NTM: variants seen among roughly 807,000 people sequenced by gnomAD.
NTM encodes the protein IgLON family member 2.
In NTM, 13 loss-of-function variants were observed where a neutral mutation model predicts 42.1. The observed-to-expected ratio is 0.31, with a 90% CI of 0.20 to 0.49. NTM has a LOEUF of 0.49. NTM is among the 20% of genes least tolerant of loss of function. NTM has a pLI of 0.99. For synonymous variants in NTM, 187 were observed against 179.2 expected (o/e 1.04, Z -0.35); for missense variants, 373 against 452.8 (o/e 0.82, Z 1.60).
At chr11:132,077,801 TTG>T (rs1485206453) in intron 2 of NTM, among the ~76,000 whole-genome samples, 1 of 152,178 alleles carries the variant, frequency 6.6e-6, no homozygotes, top group African/African-American at 2.4e-5. Flanking sequence ...GGATCTCCCT[TTG>T]TTGCCCATGC....
intron 1 of NTM, among the ~76,000 whole-genome samples, chr11:131,747,664 G>A (rs2081984387): frequency 6.6e-6 from 1 of 152,144 alleles, no homozygotes; most frequent in Non-Finnish European, 1.5e-5. Flanking sequence ...AAGCTTTTCT[G>A]GATCTTGGGA....
At chr11:131,604,999 G>T (rs749593093) in intron 1 of NTM, among the ~76,000 whole-genome samples, 1 of 151,640 alleles carries the variant, frequency 6.6e-6, no homozygotes, top group South Asian at 2.1e-4. Flanking sequence ...GAAATGTGAG[G>T]CCTCCAACTT....
chr11:131,915,590 A>G (rs1357595824), intron 2 of NTM, among the ~76,000 whole-genome samples: 2 of 152,200 alleles, frequency 1.3e-5, no homozygotes, highest in Non-Finnish European at 2.9e-5. Context: ...GGTTCTTTCA[A>G]GAAGGGGACT....
intron 3 of NTM, among the ~76,000 whole-genome samples, chr11:132,147,481 G>A (rs1480206099): frequency 6.6e-6 from 1 of 152,110 alleles, no homozygotes; most frequent in Non-Finnish European, 1.5e-5. Flanking sequence ...AACTGTAAAC[G>A]TACTGACATA....
chr11:131,994,798 A>G (rs2067690190), intron 2 of NTM, among the ~76,000 whole-genome samples: 1 of 152,036 alleles, frequency 6.6e-6, no homozygotes, highest in South Asian at 2.1e-4. Context: ...TCCCCCATAT[A>G]TCTCACACAT....
At chr11:131,698,389 G>A (rs12282972) in intron 1 of NTM, among the ~76,000 whole-genome samples, 17,409 of 152,062 alleles carry the variant, frequency 0.11, 1,518 homozygotes, top group East Asian at 0.31. Context: ...CATCACTAGC[G>A]ACATCATCAT....
At chr11:132,333,053 T>C (rs536226938) in intron 8 of NTM, among the ~76,000 whole-genome samples, 20 of 152,246 alleles carry the variant, frequency 1.3e-4, no homozygotes, top group East Asian at 3.9e-4. Flanking sequence ...GGCAGAGCAG[T>C]GTGCTGACAG....
intron 1 of NTM, among the ~76,000 whole-genome samples, chr11:131,784,717 C>T (rs2088820603): frequency 6.6e-6 from 1 of 152,154 alleles, no homozygotes; most frequent in African/African-American, 2.4e-5. Flanking sequence ...TGTAATTGTA[C>T]ACTTTCAAAC....
At chr11:131,594,552 G>A (rs192809831) in intron 1 of NTM, among the ~76,000 whole-genome samples, 343 of 137,900 alleles carry the variant, frequency 2.5e-3, no homozygotes, top group African/African-American at 8.0e-3. Flanking sequence ...AGACCACCGC[G>A]CCCAGCTAAA....
chr11:131,439,205 A>G (rs1424611838), intron 1 of NTM, among the ~76,000 whole-genome samples: 1 of 152,082 alleles, frequency 6.6e-6, no homozygotes, highest in East Asian at 1.9e-4. Context: ...ATCTGCCTGT[A>G]TGAGGTGTCA....
intron 1 of NTM, among the ~76,000 whole-genome samples, chr11:131,887,965 AT>A (rs796188830): frequency 2.6e-5 from 4 of 152,342 alleles, no homozygotes; most frequent in African/African-American, 7.2e-5. Context: ...TGAAGGAGCC[AT>A]GATTGAAATC....
chr11:132,101,586 A>G (rs12272946), intron 2 of NTM, among the ~76,000 whole-genome samples: 72,809 of 119,630 alleles, frequency 0.61, 19,957 homozygotes, highest in African/African-American at 0.78. Context: ...GTGTGTGTGT[A>G]TGTTTGAATG....
intron 4 of NTM, among the ~76,000 whole-genome samples, chr11:132,304,741 A>T (rs1036662318): frequency 6.6e-6 from 1 of 152,214 alleles, no homozygotes; most frequent in Non-Finnish European, 1.5e-5. Flanking sequence ...TTTATTAAGC[A>T]TATTACTATG....
intron 1 of NTM, among the ~76,000 whole-genome samples, chr11:131,884,332 C>T (rs961841070): frequency 6.6e-6 from 1 of 152,096 alleles, no homozygotes; most frequent in African/African-American, 2.4e-5. Context: ...TCATTTGAAC[C>T]CGGGAGGCAG....
At chr11:131,975,470 G>C (rs758629409) in intron 2 of NTM, among the ~76,000 whole-genome samples, 1 of 152,066 alleles carries the variant, frequency 6.6e-6, no homozygotes, top group African/African-American at 2.4e-5. Flanking sequence ...GAGCCACTGC[G>C]CCTGGCCGAA....
chr11:131,775,459 A>C (rs1211272254), intron 1 of NTM, among the ~76,000 whole-genome samples: 1 of 152,208 alleles, frequency 6.6e-6, no homozygotes. Flanking sequence ...GGTGATTTTT[A>C]GACAGCAGAA....
chr11:131,780,393 T>A (rs117973008), intron 1 of NTM, among the ~76,000 whole-genome samples: 1,747 of 152,176 alleles, frequency 0.011, 12 homozygotes, highest in Middle Eastern at 0.02. Context: ...GCTGTCTGCT[T>A]GAGACTATGG....
rs371013121 is a variant in NTM, at chr11:131,473,028, A to G, written c.82+102140A>G. Among the ~76,000 whole-genome samples the G allele has an allele frequency of 5.4e-3, 822 of 152,308 alleles. 7 individuals carry two copies. Among genetic ancestry groups the G allele is most frequent in the African/African-American group, 0.019 (792 of 41,564 alleles). On this transcript the variant is annotated intron_variant, in intron 1 of 8. Coordinates refer to ENST00000683400, the MANE Select transcript of NTM (RefSeq NM_001352005.2). ...AGGATCAATAATAATACTAATAACA[A>G]TGAAAATAATAGCCAATATTTCCAG...
Position 132,086,493 on chromosome 11 carries a change from G to A in NTM, c.168-59789G>A, listed in dbSNP as rs185204678. On this transcript the variant is annotated intron_variant, in intron 2 of 8. Transcript: ENST00000683400. Reference sequence around the variant, plus strand: ...CCCCCTTTTAATTAAGCTGAGTGCTGTTTAAGAAAGTCCTTTTAAGTCCCT... The same window carrying A: ...CCCCCTTTTAATTAAGCTGAGTGCTATTTAAGAAAGTCCTTTTAAGTCCCT... Among the ~76,000 whole-genome samples, 50 of 152,256 alleles carry A rather than the reference G, an allele frequency of 3.3e-4. No individual in the cohort carries two copies. The East Asian group carries it at 8.1e-3, about 25-fold the overall frequency.
Sources: gnomAD v4.1 joint callset for allele counts (sites outside exome capture counted in the v4.1 genomes callset) on GRCh38, gnomAD v4.1.1 for gene constraint, MANE v1.5 for transcripts, NCBI Gene and HGNC (gene_info 2026-07-23, HGNC 2026-07-21) for gene names.